Variants in RNGTT observed in about 807,000 individuals in gnomAD.
The protein encoded by RNGTT is RNA guanylyltransferase and 5'-phosphatase.
RNGTT carries 33 observed loss-of-function variants against 79.3 expected under a neutral mutation model. The observed-to-expected ratio is 0.42, with a 90% CI of 0.32 to 0.56. The LOEUF is 0.56. RNGTT is among the 20% of genes least tolerant of loss of function. RNGTT has a pLI of 0.17. For missense variants in RNGTT, 497 were observed against 739.1 expected (o/e 0.67, Z 3.80); for synonymous variants, 222 against 235.9 (o/e 0.94, Z 0.54).
At chr6:88,943,573 AACAC>A (rs1379200374) in intron 1 of RNGTT, among the ~76,000 whole-genome samples, 13 of 151,996 alleles carry the variant, frequency 8.6e-5, no homozygotes, top group Non-Finnish European at 1.3e-4. Context: ...GGAAAAAAAA[AACAC>A]ACACACAAAC....
At chr6:88,942,762 A>G (rs1784891616) in intron 1 of RNGTT, among the ~76,000 whole-genome samples, 1 of 152,234 alleles carries the variant, frequency 6.6e-6, no homozygotes, top group Non-Finnish European at 1.5e-5. Flanking sequence ...TCATGAAAAA[A>G]TAATTTTTTA....
intron 11 of RNGTT, among the ~76,000 whole-genome samples, chr6:88,827,719 C>T (rs1780718988): frequency 6.6e-6 from 1 of 152,082 alleles, no homozygotes; most frequent in South Asian, 2.1e-4. Context: ...GGGGCGTCTG[C>T]CATTACCAAG....
At chr6:88,750,860 T>C (rs1777817860) in intron 13 of RNGTT, among the ~76,000 whole-genome samples, 1 of 152,206 alleles carries the variant, frequency 6.6e-6, no homozygotes, top group African/African-American at 2.4e-5. Flanking sequence ...TTTTCTGTTT[T>C]ATATGTGGAA....
Position 88,769,831 on chromosome 6 carries a change from G to A in RNGTT, c.1382C>T (p.Pro461Leu). ...AAAATCCACAGAATTCAGACTGGGA[G>A]GCTTCCATTTCAAAATATCATCACA... ...GRCDDILKWK[P>L]PSLNSVDFRL... The change falls in exon 13 of 16, where the codon CCT becomes CTT. Residue 461 changes from proline (P) to leucine (L), a missense_variant. By Grantham distance (98) the Pro-to-Leu change is moderately conservative. This residue lies in a region of RNGTT where 440 missense variants were observed against 671.5 expected (regional missense o/e 0.66). Coordinates refer to ENST00000369485, the MANE Select transcript of RNGTT (RefSeq NM_003800.5). The A allele has an allele frequency of 6.2e-7, 1 of 1,612,394 alleles. No homozygotes were observed.
intron 8 of RNGTT, among the ~76,000 whole-genome samples, chr6:88,864,049 T>C (rs1405128614): frequency 6.6e-6 from 1 of 152,180 alleles, no homozygotes; most frequent in Non-Finnish European, 1.5e-5. Context: ...TTTGTATATG[T>C]CTGTTTCTAA....
chr6:88,671,056 C>A (rs1041812178), intron 14 of RNGTT, among the ~76,000 whole-genome samples: 3 of 152,132 alleles, frequency 2.0e-5, no homozygotes, highest in African/African-American at 7.2e-5. Context: ...GACAATGATG[C>A]CCACTTTCAC....
In RNGTT at chr6:88,929,029, CGA is replaced by C. The variant is rs1288895385; in HGVS notation, c.321_322del (p.Ile107MetfsTer4). ...TCTTTCATTAAACCGCTCACACAGA[CGA>C]ATAAAGGTCTCAGTATTCTCAGTGG... On this transcript the variant is annotated frameshift_variant, in exon 4 of 16. Coordinates refer to ENST00000369485, the MANE Select transcript of RNGTT (RefSeq NM_003800.5). LOFTEE classifies it high-confidence loss of function. 1 of 1,612,370 alleles carries C rather than the reference CGA, an allele frequency of 6.2e-7. No individual in the cohort carries two copies. Among genetic ancestry groups the C allele is most frequent in the Non-Finnish European group, 8.5e-7 (1 of 1,179,316 alleles).
intron 13 of RNGTT, among the ~76,000 whole-genome samples, chr6:88,690,727 A>G (rs896234990): frequency 6.6e-6 from 1 of 152,126 alleles, no homozygotes; most frequent in Non-Finnish European, 1.5e-5. Context: ...TAAATAAATA[A>G]CATTTTAAAA....
chr6:88,802,586 T>C (rs1366971554), intron 11 of RNGTT, among the ~76,000 whole-genome samples: 2 of 152,168 alleles, frequency 1.3e-5, no homozygotes, highest in African/African-American at 4.8e-5. Context: ...AATAAAGACA[T>C]ACCCGAGACT....
chr6:88,961,342 T>C (rs1785613001), intron 1 of RNGTT, among the ~76,000 whole-genome samples: 2 of 151,148 alleles, frequency 1.3e-5, no homozygotes, highest in Non-Finnish European at 2.9e-5. Context: ...TGTGTATGTA[T>C]GTGTGTGTGT....
At chr6:88,668,369 G>C (rs1467192057) in intron 14 of RNGTT, among the ~76,000 whole-genome samples, 1 of 152,116 alleles carries the variant, frequency 6.6e-6, no homozygotes, top group Non-Finnish European at 1.5e-5. Context: ...CCCTGCTCCA[G>C]TCACACCTGG....
intron 14 of RNGTT, among the ~76,000 whole-genome samples, chr6:88,662,886 T>A (rs1415506456): frequency 6.6e-6 from 1 of 152,212 alleles, no homozygotes; most frequent in Non-Finnish European, 1.5e-5. Flanking sequence ...ACTGGCCCAC[T>A]CCATCTGAGT....
Position 88,919,478 on chromosome 6 carries a change from T to C in RNGTT, c.367+9507A>G, listed in dbSNP as rs751036202. 3.4e-4 allele frequency among the ~76,000 whole-genome samples: 52 copies of C among 152,124 alleles called. 1 individual carries two copies. The highest frequency in any genetic ancestry group is 3.2e-4 in the Non-Finnish European group (22 of 68,036). On this transcript the variant is annotated intron_variant, in intron 4 of 15. Coordinates refer to ENST00000369485, the MANE Select transcript of RNGTT (RefSeq NM_003800.5). ...GTATCTTTTTAAATAAAGCCTGATC[T>C]CAACATACACTATTTTGGAGGGTGT... is the stretch of plus-strand genomic sequence containing the variant.
intron 10 of RNGTT, among the ~76,000 whole-genome samples, chr6:88,845,765 A>G (rs1228145690): frequency 1.3e-5 from 2 of 152,184 alleles, no homozygotes; most frequent in African/African-American, 4.8e-5. Context: ...AGTGAGTGAG[A>G]GGTATGAGGT....
chr6:88,929,232 A>C lies in RNGTT; in HGVS notation c.210T>G (p.Thr70=). The change falls in exon 3 of 16, where the codon ACT becomes ACG. Residue 70 remains threonine (T), a synonymous_variant. Coordinates refer to ENST00000369485, the MANE Select transcript of RNGTT (RefSeq NM_003800.5). The stretch of plus-strand genomic sequence containing the variant: ...TGTCATTTCGGTCATAGAACCTTGA[A>C]GTATTTGTCAGGTCCACCAACAAGC... ...KMGLLVDLTN[T]SRFYDRNDIE... 1 of 1,609,440 alleles carries C rather than the reference A, an allele frequency of 6.2e-7. No individual in the cohort carries two copies. Among genetic ancestry groups the C allele is most frequent in the Non-Finnish European group, 8.5e-7 (1 of 1,177,810 alleles).
chr6:88,715,203 A>C (rs1231877343), intron 13 of RNGTT, among the ~76,000 whole-genome samples: 5 of 152,258 alleles, frequency 3.3e-5, no homozygotes, highest in Non-Finnish European at 5.9e-5. Flanking sequence ...CATGAGTGAA[A>C]TCCCATTCAC....
At chr6:88,902,859 C>A (rs1442650509) in intron 6 of RNGTT, among the ~76,000 whole-genome samples, 1 of 151,918 alleles carries the variant, frequency 6.6e-6, no homozygotes, top group African/African-American at 2.4e-5. Flanking sequence ...CCACGCCCAG[C>A]TAATTTTTTG....
At chr6:88,721,796 T>G (rs1776718780) in intron 13 of RNGTT, among the ~76,000 whole-genome samples, 1 of 152,102 alleles carries the variant, frequency 6.6e-6, no homozygotes, top group Admixed American at 6.6e-5. Flanking sequence ...GGACATACCT[T>G]CCTACCAAGT....
At chr6:88,949,483 C>T (rs892243485) in intron 1 of RNGTT, among the ~76,000 whole-genome samples, 5 of 152,030 alleles carry the variant, frequency 3.3e-5, no homozygotes, top group South Asian at 2.1e-4. Context: ...AGGCTGGTCT[C>T]GAACTCCTGA....
Sources: gnomAD v4.1 joint callset for allele counts (sites outside exome capture counted in the v4.1 genomes callset) on GRCh38, gnomAD v4.1.1 for gene constraint, gnomAD v4.1.1 regional missense constraint, MANE v1.5 for transcripts, NCBI Gene and HGNC (gene_info 2026-07-23, HGNC 2026-07-21) for gene names.